ANAPC10: variants seen among roughly 807,000 people sequenced by gnomAD.
ANAPC10 encodes anaphase-promoting complex subunit 10.
In ANAPC10, 12 loss-of-function variants were observed where a neutral mutation model predicts 22.0. That is an observed-to-expected ratio of 0.55 (90% CI 0.35 to 0.88). ANAPC10 has a LOEUF of 0.88. Among genes scored for constraint, ANAPC10 ranks in the 40% least tolerant of loss-of-function variants. The pLI, the probability that ANAPC10 is intolerant of heterozygous loss-of-function variation, is 0.01. For synonymous variants in ANAPC10, 65 were observed against 69.5 expected, an observed-to-expected ratio of 0.94 and a Z score of 0.32; for missense variants, 188 against 220.9, an observed-to-expected ratio of 0.85 and a Z score of 0.94.
intron 2 of ANAPC10, among the ~76,000 whole-genome samples, chr4:145,095,081 T>G (rs1174910617): frequency 6.6e-6 from 1 of 152,080 alleles, no homozygotes; most frequent in Non-Finnish European, 1.5e-5. Flanking sequence ...AACTAGGGAA[T>G]AGTAAAGAAA....
At chr4:145,025,511 G>A (rs1219153884) in intron 4 of ANAPC10, among the ~76,000 whole-genome samples, 2 of 152,054 alleles carry the variant, frequency 1.3e-5, no homozygotes, top group Admixed American at 6.6e-5. Context: ...GATGGGAAAC[G>A]GCTGGTTAGG....
chr4:145,070,443 G>A (rs192396250), intron 3 of ANAPC10, among the ~76,000 whole-genome samples: 5 of 152,220 alleles, frequency 3.3e-5, no homozygotes, highest in South Asian at 2.1e-4. Context: ...AAAACATTAG[G>A]GAAATGAAAA....
At chr4:145,091,283 G>T (rs1469053500) in intron 2 of ANAPC10, among the ~76,000 whole-genome samples, 1 of 152,140 alleles carries the variant, frequency 6.6e-6, no homozygotes. Context: ...GTGCAATATT[G>T]TGATAGTAAT....
chr4:145,014,635 A>C (rs1734834134), intron 4 of ANAPC10, among the ~76,000 whole-genome samples: 1 of 152,116 alleles, frequency 6.6e-6, no homozygotes, highest in South Asian at 2.1e-4. Context: ...CAACCAGCAC[A>C]AAAATAAAGC....
At chr4:145,045,462 T>G (rs539281081) in intron 4 of ANAPC10, among the ~76,000 whole-genome samples, 1 of 152,124 alleles carries the variant, frequency 6.6e-6, no homozygotes, top group African/African-American at 2.4e-5. Flanking sequence ...ATGAGTAAAT[T>G]CCCTGGTCAT....
chr4:145,084,371 A>G (rs1195539499), intron 2 of ANAPC10, among the ~76,000 whole-genome samples: 1 of 152,202 alleles, frequency 6.6e-6, no homozygotes, highest in African/African-American at 2.4e-5. Flanking sequence ...ATGAATCAAG[A>G]AAAATGGCAT....
intron 2 of ANAPC10, among the ~76,000 whole-genome samples, chr4:145,090,269 C>G (rs1747475807): frequency 6.6e-6 from 1 of 152,000 alleles, no homozygotes; most frequent in South Asian, 2.1e-4. Flanking sequence ...AAAAGTTGTA[C>G]AGTGTTGTTT....
chr4:145,015,935 A>G (rs1735055386), intron 4 of ANAPC10, among the ~76,000 whole-genome samples: 1 of 152,182 alleles, frequency 6.6e-6, no homozygotes, highest in African/African-American at 2.4e-5. Flanking sequence ...TGCTGAAAGG[A>G]GCTCGAAACC....
intron 4 of ANAPC10, among the ~76,000 whole-genome samples, chr4:145,062,456 A>G (rs553812073): frequency 1.3e-5 from 2 of 151,724 alleles, no homozygotes; most frequent in Admixed American, 6.6e-5. Context: ...AAATAGAAAA[A>G]ATTAGCTGGG....
At chr4:145,062,693 T>A (rs1743074780) in intron 4 of ANAPC10, among the ~76,000 whole-genome samples, 1 of 152,090 alleles carries the variant, frequency 6.6e-6, no homozygotes, top group South Asian at 2.1e-4. Context: ...CAACCTGAGT[T>A]CAGATGTCAG....
intron 4 of ANAPC10, among the ~76,000 whole-genome samples, chr4:145,022,880 T>C (rs955526634): frequency 3.3e-5 from 5 of 152,054 alleles, no homozygotes; most frequent in African/African-American, 1.2e-4. Context: ...TTATGTATTT[T>C]TGTATTATTA....
At chr4:145,084,558 A>C (rs2126612765) in intron 2 of ANAPC10, among the ~76,000 whole-genome samples, 1 of 152,192 alleles carries the variant, frequency 6.6e-6, no homozygotes, top group African/African-American at 2.4e-5. Context: ...AAATACACTA[A>C]CATTAACAAT....
intron 2 of ANAPC10, among the ~76,000 whole-genome samples, chr4:145,082,074 A>G (rs1227166856): frequency 6.6e-6 from 1 of 152,208 alleles, no homozygotes. Context: ...TATTAGAGAA[A>G]TATCACTTGC....
chr4:145,031,283 T>C (rs970776122), intron 4 of ANAPC10, among the ~76,000 whole-genome samples: 3 of 152,180 alleles, frequency 2.0e-5, no homozygotes, highest in Non-Finnish European at 4.4e-5. Context: ...GAGCAAGAAG[T>C]AGCAAATACA....
chr4:145,092,822 G>A (rs1427244011), intron 2 of ANAPC10, among the ~76,000 whole-genome samples: 1 of 152,170 alleles, frequency 6.6e-6, no homozygotes, highest in Non-Finnish European at 1.5e-5. Flanking sequence ...AATCAACCCT[G>A]TTGACCCCAG....
chr4:145,013,552 T>C (rs1249701631), intron 4 of ANAPC10, among the ~76,000 whole-genome samples: 2 of 152,164 alleles, frequency 1.3e-5, no homozygotes, highest in African/African-American at 4.8e-5. Flanking sequence ...TCTTTTCATA[T>C]ATAATCAGAG....
At chr4:145,091,554 T>C (rs1243187162) in intron 2 of ANAPC10, among the ~76,000 whole-genome samples, 1 of 152,198 alleles carries the variant, frequency 6.6e-6, no homozygotes, top group East Asian at 1.9e-4. Context: ...ACCGCTACAG[T>C]ATTCCATAGT....
rs140903775 is a variant in ANAPC10, at chr4:145,062,579, T to C, written c.327+1993A>G. Among the ~76,000 whole-genome samples the C allele has an allele frequency of 4.4e-3, 663 of 151,762 alleles. 3 individuals are homozygous for C. Among genetic ancestry groups the C allele is most frequent in the African/African-American group, 0.015 (609 of 41,338 alleles). ...CCAAGATCATACCACTGCACTCCAG[T>C]GTGGGTGACAGAGTAAGACTCCGTC... is the stretch of plus-strand genomic sequence containing the variant. On this transcript the variant is annotated intron_variant, in intron 4 of 4. Coordinates refer to ENST00000507656, the MANE Select transcript of ANAPC10 (RefSeq NM_001256706.2).
chr4:145,049,869 C>T (rs932758745), intron 4 of ANAPC10, among the ~76,000 whole-genome samples: 1 of 152,150 alleles, frequency 6.6e-6, no homozygotes, highest in African/African-American at 2.4e-5. Context: ...CTTCAGGCTC[C>T]ATTTCTAATG....
Sources: allele counts gnomAD v4.1 joint callset (sites outside exome capture counted in the v4.1 genomes callset), GRCh38; gene constraint gnomAD v4.1.1; transcripts MANE v1.5; gene names NCBI Gene and HGNC (gene_info 2026-07-23, HGNC 2026-07-21).